The following HK1 variants were observed in gnomAD, a reference collection of about 807,000 sequenced individuals.
HK1 encodes hexokinase-1.
A neutral mutation model predicts 91.6 loss-of-function variants in HK1; 28 were observed. The ratio of observed to expected loss-of-function variants is 0.31; its 90% CI spans 0.23 to 0.42. The LOEUF (loss-of-function observed/expected upper bound fraction) is 0.42, where lower values mean the gene tolerates loss of function less well. HK1 is among the 10% of genes least tolerant of loss of function. The pLI, the probability that HK1 is intolerant of heterozygous loss-of-function variation, is 1.00. For synonymous variants in HK1, 430 were observed against 468.1 expected, an observed-to-expected ratio of 0.92 and a Z score of 1.05; for missense variants, 770 against 1,219.8, an observed-to-expected ratio of 0.63 and a Z score of 5.49.
At chr10:69,332,151 C>T (rs1366783045) in intron 1 of HK1, among the ~76,000 whole-genome samples, 1 of 152,072 alleles carries the variant, frequency 6.6e-6, no homozygotes, top group Non-Finnish European at 1.5e-5. Context: ...ATATTATCTT[C>T]CTGTTGGACA....
intron 1 of HK1, among the ~76,000 whole-genome samples, chr10:69,272,614 T>C (rs1191966432): frequency 6.6e-6 from 1 of 152,038 alleles, no homozygotes; most frequent in Non-Finnish European, 1.5e-5. Flanking sequence ...TAATTTATTT[T>C]GGGAAGTCAG....
At chr10:69,385,533 A>C (rs1366397332) in intron 12 of HK1, among the ~76,000 whole-genome samples, 2 of 152,180 alleles carry the variant, frequency 1.3e-5, no homozygotes, top group Non-Finnish European at 2.9e-5. Context: ...AGAAGGAACC[A>C]ATGGTGCAGA....
rs571001323 is a variant in HK1, at chr10:69,382,641, C to T, written c.1420C>T (p.Leu474=). The change falls in exon 10 of 18, where the codon CTG becomes TTG. Residue 474 remains leucine (L), a synonymous_variant. Coordinates refer to ENST00000359426, the MANE Select transcript of HK1 (RefSeq NM_000188.3). ...AEQHRQIEET[L]AHFHLTKDML... ...GCAGCACCGGCAGATAGAGGAGACC[C>T]TGGCTCATTTCCACCTCACCAAGGA... 2.5e-6 allele frequency: 4 copies of T among 1,614,198 alleles called. No individual in the cohort carries two copies. Among genetic ancestry groups the T allele is most frequent in the African/African-American group, 1.3e-5 (1 of 75,056 alleles).
chr10:69,315,152 C>T (rs2132549185), upstream of HK1, among the ~76,000 whole-genome samples: 1 of 152,358 alleles, frequency 6.6e-6, no homozygotes, highest in East Asian at 1.9e-4. Flanking sequence ...TCTAACCTCA[C>T]CAGGCTGTTA....
At chr10:69,377,362 C>G (rs1051960473) in intron 8 of HK1, among the ~76,000 whole-genome samples, 11 of 151,500 alleles carry the variant, frequency 7.3e-5, no homozygotes, top group Non-Finnish European at 1.6e-4. Context: ...CCACCCCCAT[C>G]AGCCCATCAC....
intron 1 of HK1, among the ~76,000 whole-genome samples, chr10:69,327,276 G>A (rs1474680555): frequency 6.6e-6 from 1 of 152,072 alleles, no homozygotes; most frequent in Non-Finnish European, 1.5e-5. Flanking sequence ...TTATAGGCCT[G>A]AGCCCCCACA....
rs1849631289 is a variant in HK1, at chr10:69,365,039, A to G, written c.495+137A>G. The G allele has an allele frequency of 4.2e-6, 4 of 958,980 alleles. No individual in the cohort carries two copies. The South Asian group carries it at 5.5e-5, about 13-fold the overall frequency. 59.4% of individuals were successfully genotyped at this position (958,980 alleles called of 1,614,324 possible). On this transcript the variant is annotated intron_variant, in intron 4 of 17. Coordinates refer to ENST00000359426, the MANE Select transcript of HK1 (RefSeq NM_000188.3). ...GGTATTTTTAAAGAAACATTTGCAGAAGTTAGTGTGGTATCATGATATAGT... is the reference window on the plus strand; with the variant it reads ...GGTATTTTTAAAGAAACATTTGCAGGAGTTAGTGTGGTATCATGATATAGT...
chr10:69,399,385 G>A (rs1009572112), intron 17 of HK1, among the ~76,000 whole-genome samples: 3 of 152,134 alleles, frequency 2.0e-5, no homozygotes, highest in South Asian at 2.1e-4. Flanking sequence ...GGTGGTGAAT[G>A]CCTGTAGTCC....
rs147247926 is a variant in HK1, at chr10:69,363,152, C to G, written c.376-1631C>G. 2.0e-5 allele frequency among the ~76,000 whole-genome samples: 3 copies of G among 152,302 alleles called. No individual in the cohort carries two copies. In the East Asian group the frequency reaches 5.8e-4, roughly 29 times the overall value. ...TTGGCTCTCCTAAGACAGCCTTCTT[C>G]TGGGTTCCAAAAAGCTCCATGGCTG... On this transcript the variant is annotated intron_variant, in intron 3 of 17. Transcript: ENST00000359426.
At chr10:69,294,875 A>G (rs1845479409) in intron 3 of HK1, among the ~76,000 whole-genome samples, 1 of 151,384 alleles carries the variant, frequency 6.6e-6, no homozygotes, top group Admixed American at 6.6e-5. Context: ...AAATAAATAA[A>G]TAAATAAGCC....
At chr10:69,365,684 C>G (rs982602045) in intron 4 of HK1, among the ~76,000 whole-genome samples, 20 of 152,084 alleles carry the variant, frequency 1.3e-4, no homozygotes, top group Non-Finnish European at 2.8e-4. Flanking sequence ...TCAAGACCAG[C>G]CTGGGCAATC....
At chr10:69,295,011 C>CAGAGAG (rs3086615) in intron 3 of HK1, among the ~76,000 whole-genome samples, 23,119 of 124,848 alleles carry the variant, frequency 0.19, 2,529 homozygotes, top group South Asian at 0.26. Context: ...GCCTGGGCAA[C>CAGAGAG]AGAGAGAGAG....
intron 1 of HK1, among the ~76,000 whole-genome samples, chr10:69,273,916 A>G (rs79928732): frequency 0.054 from 8,186 of 152,032 alleles, 309 homozygotes; most frequent in South Asian, 0.13. Flanking sequence ...GCTAATTCCA[A>G]CATCTGGGTT....
intron 2 of HK1, among the ~76,000 whole-genome samples, chr10:69,355,204 A>G (rs897540010): frequency 6.6e-6 from 1 of 152,102 alleles, no homozygotes; most frequent in African/African-American, 2.4e-5. Flanking sequence ...TCCAAACACC[A>G]TTGTAAGTTC....
intron 1 of HK1, among the ~76,000 whole-genome samples, chr10:69,340,041 T>C (rs1848213291): frequency 6.6e-6 from 1 of 152,222 alleles, no homozygotes; most frequent in South Asian, 2.1e-4. Context: ...TATTCCAGGA[T>C]CCAGCATTGT....
chr10:69,339,537 A>G (rs566522090), intron 1 of HK1, among the ~76,000 whole-genome samples: 1 of 152,304 alleles, frequency 6.6e-6, no homozygotes, highest in East Asian at 1.9e-4. Context: ...CCCTCCCTCC[A>G]TAGCAGCTTG....
At chr10:69,313,532 G>A (rs943418826), upstream of HK1, among the ~76,000 whole-genome samples, 1 of 152,034 alleles carries the variant, frequency 6.6e-6, no homozygotes, top group Non-Finnish European at 1.5e-5. Flanking sequence ...GCGCAATCTC[G>A]GCTCACCACA....
chr10:69,382,695 C>A lies in HK1; in HGVS notation c.1474C>A (p.Arg492=). 3.7e-6 allele frequency: 6 copies of A among 1,613,548 alleles called. No individual in the cohort carries two copies. The highest frequency in any genetic ancestry group is 5.1e-6 in the Non-Finnish European group (6 of 1,179,878). ...DMLLEVKKRM[R]AEMELGLRKQ... The stretch of plus-strand genomic sequence containing the variant: ...GCTGCTGGAGGTGAAGAAGAGGATG[C>A]GGGCCGAGATGGAGCTGGGGCTGAG... The change falls in exon 10 of 18, where the codon CGG becomes AGG. Residue 492 remains arginine, a synonymous_variant. Coordinates refer to ENST00000359426, the MANE Select transcript of HK1 (RefSeq NM_000188.3).
At chr10:69,343,511 T>C (rs1037118720) in intron 1 of HK1, among the ~76,000 whole-genome samples, 1 of 152,096 alleles carries the variant, frequency 6.6e-6, no homozygotes. Context: ...AGGCTTGAGG[T>C]GTTCCTGATA....
Sources: allele counts gnomAD v4.1 joint callset (sites outside exome capture counted in the v4.1 genomes callset), GRCh38; gene constraint gnomAD v4.1.1; transcripts MANE v1.5; gene names NCBI Gene and HGNC (gene_info 2026-07-23, HGNC 2026-07-21).